The following TRPM3 variants were observed in gnomAD, a reference collection of about 807,000 sequenced individuals.
TRPM3 encodes long transient receptor potential channel 3.
A neutral mutation model predicts 181.2 loss-of-function variants in TRPM3; 77 were observed. That is an observed-to-expected ratio of 0.42 (90% confidence interval 0.35 to 0.51). The LOEUF (loss-of-function observed/expected upper bound fraction) is 0.51. Among genes scored for constraint, TRPM3 ranks in the 20% least tolerant of loss-of-function variants. The pLI, the probability that TRPM3 is intolerant of heterozygous loss-of-function variation, is 0.01. For missense variants in TRPM3, 1,759 were observed against 2,196.7 expected (o/e 0.80, Z 3.98); for synonymous variants, 745 against 796.4 (o/e 0.94, Z 1.09).
intron 4 of TRPM3, among the ~76,000 whole-genome samples, chr9:70,845,480 TC>T (rs1311142677): frequency 6.6e-6 from 1 of 152,102 alleles, no homozygotes; most frequent in Non-Finnish European, 1.5e-5. Context: ...TCTCAGGTGA[TC>T]CCCCTGCCTC....
chr9:70,984,747 C>G (rs539414349), intron 1 of TRPM3, among the ~76,000 whole-genome samples: 4 of 152,312 alleles, frequency 2.6e-5, no homozygotes, highest in South Asian at 4.1e-4. Context: ...CCAGAAGGAA[C>G]AAGCCCTGCT....
At chr9:71,130,511 T>A (rs1049374664) in intron 1 of TRPM3, among the ~76,000 whole-genome samples, 1 of 152,188 alleles carries the variant, frequency 6.6e-6, no homozygotes, top group African/African-American at 2.4e-5. Context: ...GGACTTCATA[T>A]AAAATGTTCA....
At chr9:71,374,873 G>C (rs1339838540) in intron 1 of TRPM3, among the ~76,000 whole-genome samples, 3 of 152,056 alleles carry the variant, frequency 2.0e-5, no homozygotes, top group Non-Finnish European at 4.4e-5. Context: ...CAATACCTAG[G>C]AATACAGATA....
intron 9 of TRPM3, among the ~76,000 whole-genome samples, chr9:70,661,744 AC>A (rs1205738939): frequency 1.3e-5 from 2 of 152,058 alleles, no homozygotes; most frequent in African/African-American, 4.8e-5. Context: ...TACCAAAAAA[AC>A]CCTACAAAAC....
chr9:71,412,021 G>A (rs2093559422), intron 1 of TRPM3, among the ~76,000 whole-genome samples: 1 of 152,138 alleles, frequency 6.6e-6, no homozygotes, highest in African/African-American at 2.4e-5. Flanking sequence ...TCAATAAAAG[G>A]TGCTGGGAAA....
At chr9:70,656,278 T>G (rs1249267215) in intron 9 of TRPM3, among the ~76,000 whole-genome samples, 1 of 152,250 alleles carries the variant, frequency 6.6e-6, no homozygotes, top group Non-Finnish European at 1.5e-5. Context: ...GAATGATCTT[T>G]GTTTATGTAA....
chr9:70,769,675 G>T (rs1293153158), intron 7 of TRPM3, among the ~76,000 whole-genome samples: 1 of 151,936 alleles, frequency 6.6e-6, no homozygotes, highest in African/African-American at 2.4e-5. Flanking sequence ...TATGTGAAAG[G>T]CTCTGATTAC....
At chr9:70,890,208 G>A (rs1589564549) in intron 1 of TRPM3, among the ~76,000 whole-genome samples, 2 of 151,152 alleles carry the variant, frequency 1.3e-5, no homozygotes, top group South Asian at 4.1e-4. Flanking sequence ...TTTAAAACAA[G>A]AAGAGAGTGT....
intron 8 of TRPM3, among the ~76,000 whole-genome samples, chr9:70,741,785 A>G (rs1395651789): frequency 1.3e-5 from 2 of 152,116 alleles, no homozygotes; most frequent in African/African-American, 4.8e-5. Context: ...AGGATGCAAA[A>G]ACGTAAGAAT....
chr9:71,121,810 C>T (rs2073684375), upstream of TRPM3, among the ~76,000 whole-genome samples: 4 of 151,116 alleles, frequency 2.6e-5, no homozygotes, highest in South Asian at 8.4e-4. Context: ...AGAACTGGTA[C>T]GGGGGGAGGG....
chr9:70,946,471 A>T (rs2096934696), intron 1 of TRPM3, among the ~76,000 whole-genome samples: 1 of 151,928 alleles, frequency 6.6e-6, no homozygotes, highest in Non-Finnish European at 1.5e-5. Flanking sequence ...TAACAGCAGC[A>T]ATATTCTAGG....
At chr9:71,174,019 G>T (rs1254240582) in intron 1 of TRPM3, among the ~76,000 whole-genome samples, 2 of 152,132 alleles carry the variant, frequency 1.3e-5, no homozygotes, top group Admixed American at 6.6e-5. Flanking sequence ...TCCAGAATCT[G>T]CAGTGATAGC....
Position 70,618,991 on chromosome 9 carries a change from G to T in TRPM3, c.2234C>A (p.Ala745Asp). The T allele has an allele frequency of 6.2e-7, 1 of 1,614,202 alleles. No homozygotes were observed. The change falls in exon 17 of 26, where the codon GCC becomes GAC. Residue 745 changes from alanine to aspartate, a missense_variant. Around this residue, in one of 8 missense-constraint regions of TRPM3, gnomAD observed 737 missense variants for 957.4 expected, o/e 0.77. Transcript: ENST00000677713. ...LTYELKNWSNATCLQLAVAAK... is the reference protein window; with the variant it reads ...LTYELKNWSNDTCLQLAVAAK... Reference sequence around the variant, plus strand: ...AGCCACGGCAAGCTGCAGGCACGTGGCGTTGCTCCAGTTCTTCAGCTCATA... The same window carrying T: ...AGCCACGGCAAGCTGCAGGCACGTGTCGTTGCTCCAGTTCTTCAGCTCATA...
chr9:70,630,813 T>C (rs1319846494), intron 12 of TRPM3, among the ~76,000 whole-genome samples: 1 of 152,242 alleles, frequency 6.6e-6, no homozygotes, highest in Non-Finnish European at 1.5e-5. Flanking sequence ...AAATGTTGTC[T>C]TCTTTTTTCA....
At chr9:71,239,598 A>G (rs959470451) in intron 1 of TRPM3, among the ~76,000 whole-genome samples, 4 of 152,174 alleles carry the variant, frequency 2.6e-5, no homozygotes, top group Non-Finnish European at 5.9e-5. Context: ...GTCATGAGCC[A>G]AAACAGGGAG....
At chr9:71,209,310 A>G (rs979661560) in intron 1 of TRPM3, among the ~76,000 whole-genome samples, 1 of 147,494 alleles carries the variant, frequency 6.8e-6, no homozygotes, top group Non-Finnish European at 1.5e-5. Flanking sequence ...CATAAAACCA[A>G]AGAAAGGAGC....
At chr9:71,073,801 GATA>G (rs769825497) in intron 1 of TRPM3, among the ~76,000 whole-genome samples, 1 of 152,048 alleles carries the variant, frequency 6.6e-6, no homozygotes, top group Non-Finnish European at 1.5e-5. Context: ...ATATTGCTGA[GATA>G]ATGTCAAGAA....
intron 6 of TRPM3, among the ~76,000 whole-genome samples, chr9:70,806,245 TGAG>T (rs1264076831): frequency 3.3e-5 from 5 of 152,050 alleles, no homozygotes; most frequent in African/African-American, 7.2e-5. Context: ...AGCCTGTTCA[TGAG>T]GAGAAGTGCT....
chr9:70,772,295 T>C (rs2080448513), intron 7 of TRPM3, among the ~76,000 whole-genome samples: 1 of 151,098 alleles, frequency 6.6e-6, no homozygotes, highest in South Asian at 2.1e-4. Context: ...ATCACAGATA[T>C]GGAAGATCTC....
Sources: gnomAD v4.1 joint callset for allele counts (sites outside exome capture counted in the v4.1 genomes callset) on GRCh38, gnomAD v4.1.1 for gene constraint, gnomAD v4.1.1 regional missense constraint, MANE v1.5 for transcripts, NCBI Gene and HGNC (gene_info 2026-07-23, HGNC 2026-07-21) for gene names.